Variants in NUPR1 observed in about 807,000 individuals in gnomAD.
NUPR1 encodes nuclear protein 1, transcriptional regulator.
In NUPR1, 8 loss-of-function variants were observed where a neutral mutation model predicts 7.3. The observed-to-expected ratio is 1.09, with a 90% CI of 0.64 to 1.97. NUPR1 has a LOEUF of 1.97. NUPR1 is among the 30% of genes most tolerant of loss of function. The probability of loss-of-function intolerance (pLI) is 0.00; values close to 1 mark genes in which losing one functional copy is unlikely to be tolerated. For synonymous variants in NUPR1, 39 were observed against 44.5 expected (o/e 0.88, Z 0.49); for missense variants, 96 against 111.7 (o/e 0.86, Z 0.63).
rs368332856 is a variant in NUPR1 at position 28,535,616 on chromosome 16, C to CTT, written c.*2065_*2066dup. ...TCTTTCTTTCTTTCTTTCTTTCTTTCTTTCTTCTCTTTCTCTCTCTTTCTT... is the reference window on the plus strand; with the variant it reads ...TCTTTCTTTCTTTCTTTCTTTCTTTCTTTTTCTTCTCTTTCTCTCTCTTTCTT... On this transcript the variant is annotated 3_prime_UTR_variant, in exon 3 of 3. Coordinates refer to ENST00000324873, the MANE Select transcript of NUPR1 (RefSeq NM_012385.3). The CTT allele has an allele frequency of 8.4e-5, 2 of 23,726 alleles. No individual in the cohort carries two copies. The highest frequency in any genetic ancestry group is 6.8e-4 in the Admixed American group (1 of 1,472). The allele number at this position is 23,726 out of a possible 1,614,324, so 1.5% of individuals were successfully genotyped here. A position where few individuals can be genotyped will look rare whatever the true frequency, so the allele number is the denominator to read the frequency against.
Position 28,535,400 on chromosome 16 carries a change from ACT to A in NUPR1, c.*2281_*2282del, listed in dbSNP as rs2046603769. 6.6e-6 allele frequency: 1 copy of A among 151,472 alleles called. No individual in the cohort carries two copies. Among genetic ancestry groups the A allele is most frequent in the Non-Finnish European group, 1.5e-5 (1 of 68,090 alleles). 9.4% of individuals were successfully genotyped at this position (151,472 alleles called of 1,614,324 possible). A position where few individuals can be genotyped will look rare whatever the true frequency, so the allele number is the denominator to read the frequency against. ...AATGGCGTGATCTTGGCTCACCACA[ACT>A]TCTGCCTCGAACTCGAACTACTGAC... On this transcript the variant is annotated 3_prime_UTR_variant, in exon 3 of 3. Transcript: ENST00000324873.
At chr16:28,538,631 G>A (rs745746539) in intron 1 of NUPR1, 165 bp downstream of exon 1, 13 of 711,446 alleles carry the variant, frequency 1.8e-5, no homozygotes, top group African/African-American at 1.8e-4. Flanking sequence ...TTGAGTTGTT[G>A]TGATCACACT....
intron 1 of NUPR1, 64 bp from the exon 2 acceptor site, chr16:28,538,219 G>A (rs567539382): frequency 3.7e-6 from 6 of 1,610,626 alleles, no homozygotes; most frequent in South Asian, 1.1e-5. Context: ...CCTGTCAGAG[G>A]AGAGGCAGGG....
rs2046607376 is a variant in NUPR1, at chr16:28,535,546, TC to T, written c.*2136del. On this transcript the variant is annotated 3_prime_UTR_variant, in exon 3 of 3. Transcript: ENST00000324873. ...TTCTTTCTTTCTTTCTTTCTTTCCTTCTTTCTTTCTTTCTTTCCTTCCTTCC... is the reference window on the plus strand; with the variant it reads ...TTCTTTCTTTCTTTCTTTCTTTCCTTTTTCTTTCTTTCTTTCCTTCCTTCC... 3.6e-5 allele frequency: 1 copy of T among 27,484 alleles called. No homozygotes were observed. The highest frequency in any genetic ancestry group is 8.4e-5 in the African/African-American group (1 of 11,920). 1.7% of individuals were successfully genotyped at this position (27,484 alleles called of 1,614,324 possible).
At chr16:28,537,740 C>T (rs2046634057) in intron 2 of NUPR1, 71 bp from the exon 3 acceptor site, 1 of 401,666 alleles carries the variant, frequency 2.5e-6, no homozygotes, top group Non-Finnish European at 4.6e-6. Flanking sequence ...CTCCCACTCA[C>T]TTGATTTGTG....
At position 28,535,592 on chromosome 16, in the gene NUPR1, C is replaced by CTTTCTTTCTTTT; in HGVS notation, c.*2090_*2091insAAAAGAAAGAAA. The CTTTCTTTCTTTT allele has an allele frequency of 2.7e-5, 1 of 37,042 alleles. No homozygotes were observed. The highest frequency in any genetic ancestry group is 1.2e-3 in the South Asian group (1 of 834). 2.3% of individuals were successfully genotyped at this position (37,042 alleles called of 1,614,324 possible). Reference sequence around the variant, plus strand: ...CCTTCCTTTCTTTCTTTCTTTCTTTCTTTCTTTCTTTCTTTCTTTCTTTCT... The same window carrying CTTTCTTTCTTTT: ...CCTTCCTTTCTTTCTTTCTTTCTTTCTTTCTTTCTTTTTTTCTTTCTTTCTTTCTTTCTTTCT... On this transcript the variant is annotated 3_prime_UTR_variant, in exon 3 of 3. Transcript: ENST00000324873.
chr16:28,535,528 T>C lies in NUPR1; in HGVS notation c.*2155A>G, dbSNP rs987566498. 10 of 73,896 alleles carry C rather than the reference T, an allele frequency of 1.4e-4. No homozygotes were observed. The highest frequency in any genetic ancestry group is 3.2e-4 in the African/African-American group (7 of 21,770). 4.6% of individuals were successfully genotyped at this position (73,896 alleles called of 1,614,324 possible). A position where few individuals can be genotyped will look rare whatever the true frequency, so the allele number is the denominator to read the frequency against. On this transcript the variant is annotated 3_prime_UTR_variant, in exon 3 of 3. Transcript: ENST00000324873. ...TTTTCTTTCTTTCTTTCTTTCTTTCTTTCTTTCTTTCTTTCCTTCTTTCTT... is the reference window on the plus strand; with the variant it reads ...TTTTCTTTCTTTCTTTCTTTCTTTCCTTCTTTCTTTCTTTCCTTCTTTCTT...
chr16:28,535,579 T>TCTTTCTTTCCTTCCTTC lies in NUPR1; in HGVS notation c.*2103_*2104insGAAGGAAGGAAAGAAAG, dbSNP rs2046611333. On this transcript the variant is annotated 3_prime_UTR_variant, in exon 3 of 3. Coordinates refer to ENST00000324873, the MANE Select transcript of NUPR1 (RefSeq NM_012385.3). ...TCTTTCTTTCCTTCCTTCCTTTCTT[T>TCTTTCTTTCCTTCCTTC]CTTTCTTTCTTTCTTTCTTTCTTTC... is the stretch of plus-strand genomic sequence containing the variant. 7.9e-4 allele frequency: 31 copies of TCTTTCTTTCCTTCCTTC among 39,202 alleles called. 1 individual carries two copies. Among genetic ancestry groups the TCTTTCTTTCCTTCCTTC allele is most frequent in the African/African-American group, 4.1e-3 (31 of 7,506 alleles). The allele number at this position is 39,202 out of a possible 1,614,324, so 2.4% of individuals were successfully genotyped here.
rs71140975 is a variant in NUPR1, at chr16:28,535,571, C to CCTTCCTTTCTTTCTTTCTTT, written c.*2111_*2112insAAAGAAAGAAAGAAAGGAAG. On this transcript the variant is annotated 3_prime_UTR_variant, in exon 3 of 3. Transcript: ENST00000324873. ...TCTTTCTTTCTTTCTTTCCTTCCTT[C>CCTTCCTTTCTTTCTTTCTTT]CTTTCTTTCTTTCTTTCTTTCTTTC... 118 of 71,918 alleles carry CCTTCCTTTCTTTCTTTCTTT rather than the reference C, an allele frequency of 1.6e-3. No homozygotes were observed. The highest frequency in any genetic ancestry group is 5.7e-3 in the Middle Eastern group (1 of 174). 4.5% of individuals were successfully genotyped at this position (71,918 alleles called of 1,614,324 possible).
intron 1 of NUPR1, 142 bp from the exon 2 acceptor site, chr16:28,538,297 C>CT: frequency 4.8e-6 from 6 of 1,247,308 alleles, no homozygotes; most frequent in Non-Finnish European, 6.8e-6. Context: ...AATGTGGGAC[C>CT]CCAGATGTGT....
chr16:28,535,584 C>CTTTCTTTCTTTCT lies in NUPR1; in HGVS notation c.*2086_*2098dup. The stretch of plus-strand genomic sequence containing the variant: ...CTTTCCTTCCTTCCTTTCTTTCTTT[C>CTTTCTTTCTTTCT]TTTCTTTCTTTCTTTCTTTCTTTCT... On this transcript the variant is annotated 3_prime_UTR_variant, in exon 3 of 3. Coordinates refer to ENST00000324873, the MANE Select transcript of NUPR1 (RefSeq NM_012385.3). 2.8e-5 allele frequency: 1 copy of CTTTCTTTCTTTCT among 35,930 alleles called. No homozygotes were observed. The highest frequency in any genetic ancestry group is 2.9e-3 in the East Asian group (1 of 340). 2.2% of individuals were successfully genotyped at this position (35,930 alleles called of 1,614,324 possible).
In NUPR1 at chr16:28,535,596, C is replaced by CTTTCTTTCT. The variant is rs1567277646; in HGVS notation, c.*2078_*2086dup. The CTTTCTTTCT allele has an allele frequency of 4.5e-4, 19 of 42,454 alleles. No individual in the cohort carries two copies. The highest frequency in any genetic ancestry group is 2.3e-3 in the African/African-American group (15 of 6,532). The allele number at this position is 42,454 out of a possible 1,614,324, so 2.6% of individuals were successfully genotyped here. A position where few individuals can be genotyped will look rare whatever the true frequency, so the allele number is the denominator to read the frequency against. On this transcript the variant is annotated 3_prime_UTR_variant, in exon 3 of 3. Transcript: ENST00000324873. ...CCTTTCTTTCTTTCTTTCTTTCTTT[C>CTTTCTTTCT]TTTCTTTCTTTCTTTCTTTCTTTCT...
rs2046606110 is a variant in NUPR1, at chr16:28,535,528, T to TTTCTTTCTTTCTTTCTTTCC, written c.*2154_*2155insGGAAAGAAAGAAAGAAAGAA. The TTTCTTTCTTTCTTTCTTTCC allele has an allele frequency of 4.1e-5, 3 of 73,896 alleles. No individual in the cohort carries two copies. The highest frequency in any genetic ancestry group is 4.5e-4 in the East Asian group (1 of 2,218). The allele number at this position is 73,896 out of a possible 1,614,324, so 4.6% of individuals were successfully genotyped here. The stretch of plus-strand genomic sequence containing the variant: ...TTTTCTTTCTTTCTTTCTTTCTTTC[T>TTTCTTTCTTTCTTTCTTTCC]TTCTTTCTTTCTTTCCTTCTTTCTT... On this transcript the variant is annotated 3_prime_UTR_variant, in exon 3 of 3. Coordinates refer to ENST00000324873, the MANE Select transcript of NUPR1 (RefSeq NM_012385.3).
intron 1 of NUPR1, among the ~76,000 whole-genome samples, chr16:28,538,374 T>C (rs977410240): frequency 2.6e-5 from 4 of 151,908 alleles, no homozygotes; most frequent in Admixed American, 6.6e-5. Flanking sequence ...GACGTGAGGG[T>C]CCAAGGAACA....
In NUPR1 at chr16:28,535,571, C is replaced by CTTTCTTTCTTTCCTTCCTT. The variant is rs1555472555; in HGVS notation, c.*2111_*2112insAAGGAAGGAAAGAAAGAAA. 2 of 71,886 alleles carry CTTTCTTTCTTTCCTTCCTT rather than the reference C, an allele frequency of 2.8e-5. No individual in the cohort carries two copies. The highest frequency in any genetic ancestry group is 1.2e-4 in the African/African-American group (2 of 16,862). 4.5% of individuals were successfully genotyped at this position (71,886 alleles called of 1,614,324 possible). ...TCTTTCTTTCTTTCTTTCCTTCCTTCCTTTCTTTCTTTCTTTCTTTCTTTC... is the reference window on the plus strand; with the variant it reads ...TCTTTCTTTCTTTCTTTCCTTCCTTCTTTCTTTCTTTCCTTCCTTCTTTCTTTCTTTCTTTCTTTCTTTC... On this transcript the variant is annotated 3_prime_UTR_variant, in exon 3 of 3. Coordinates refer to ENST00000324873, the MANE Select transcript of NUPR1 (RefSeq NM_012385.3).
At position 28,536,450 on chromosome 16, in the gene NUPR1, G is replaced by A. The variant is rs949820755; in HGVS notation, c.*1233C>T. 2 of 152,214 alleles carry A rather than the reference G, an allele frequency of 1.3e-5. No individual in the cohort carries two copies. Among genetic ancestry groups the A allele is most frequent in the Non-Finnish European group, 2.9e-5 (2 of 68,144 alleles). 9.4% of individuals were successfully genotyped at this position (152,214 alleles called of 1,614,324 possible). On this transcript the variant is annotated 3_prime_UTR_variant, in exon 3 of 3. Coordinates refer to ENST00000324873, the MANE Select transcript of NUPR1 (RefSeq NM_012385.3). ...AGGCACGAGAATTGCTTGAACCCGG[G>A]AGGCAGAGGTTGCAGTGAGCCAAGA...
chr16:28,535,550 T>TCCTTC lies in NUPR1; in HGVS notation c.*2132_*2133insGAAGG, dbSNP rs1407230946. ...TTCTTTCTTTCTTTCTTTCCTTCTT[T>TCCTTC]CTTTCTTTCTTTCCTTCCTTCCTTT... is the stretch of plus-strand genomic sequence containing the variant. On this transcript the variant is annotated 3_prime_UTR_variant, in exon 3 of 3. Transcript: ENST00000324873. 1 of 33,744 alleles carries TCCTTC rather than the reference T, an allele frequency of 3.0e-5. No individual in the cohort carries two copies. The highest frequency in any genetic ancestry group is 1.1e-3 in the East Asian group (1 of 896). The allele number at this position is 33,744 out of a possible 1,614,324, so 2.1% of individuals were successfully genotyped here.
Position 28,535,079 on chromosome 16 carries a change from T to C in NUPR1, c.*2604A>G, listed in dbSNP as rs1360207717. On this transcript the variant is annotated 3_prime_UTR_variant, in exon 3 of 3. Transcript: ENST00000324873. ...TTTGCCCCATATTTTTCTTCAACTC[T>C]GGTCCTGAGACATAGCACTGAATAA... is the stretch of plus-strand genomic sequence containing the variant. The C allele has an allele frequency of 1.3e-5, 2 of 152,258 alleles. No individual in the cohort carries two copies. Among genetic ancestry groups the C allele is most frequent in the African/African-American group, 4.8e-5 (2 of 41,454 alleles). 9.4% of individuals were successfully genotyped at this position (152,258 alleles called of 1,614,324 possible).
At position 28,533,091 on chromosome 16, in the gene NUPR1, G is replaced by A. The variant is rs2046591729; in HGVS notation, c.*4592C>T. On this transcript the variant is annotated 3_prime_UTR_variant, in exon 3 of 3. Coordinates refer to ENST00000324873, the MANE Select transcript of NUPR1 (RefSeq NM_012385.3). ...TGTTGCTCCTGCCATTTGCTCCCTG[G>A]GTTCTAGAGCTGATGGTGGCCCTAT... The A allele has an allele frequency of 6.6e-6, 1 of 152,232 alleles. No homozygotes were observed. The highest frequency in any genetic ancestry group is 1.5e-5 in the Non-Finnish European group (1 of 68,130). The allele number at this position is 152,232 out of a possible 1,614,324, so 9.4% of individuals were successfully genotyped here. A position where few individuals can be genotyped will look rare whatever the true frequency, so the allele number is the denominator to read the frequency against.
Sources: allele counts gnomAD v4.1 joint callset (sites outside exome capture counted in the v4.1 genomes callset), GRCh38; gene constraint gnomAD v4.1.1; transcripts MANE v1.5; gene names NCBI Gene and HGNC (gene_info 2026-07-23, HGNC 2026-07-21).